SCN2A: variants seen among roughly 807,000 people sequenced by gnomAD.
SCN2A encodes the protein sodium channel protein type 2 subunit alpha.
A neutral mutation model predicts 188.7 loss-of-function variants in SCN2A; 20 were observed. That is an observed-to-expected ratio of 0.11 (90% CI 0.07 to 0.15). The LOEUF (loss-of-function observed/expected upper bound fraction) is 0.15. Ranked by LOEUF, SCN2A falls within the 10% of genes least tolerant of loss-of-function variation. The pLI is 1.00. For missense variants in SCN2A, 1,278 were observed against 2,445.0 expected (o/e 0.52, Z 10.07); for synonymous variants, 804 against 833.1 (o/e 0.97, Z 0.60).
In SCN2A at chr2:165,313,905, C is replaced by A; in HGVS notation, c.1180C>A (p.Leu394Ile). The A allele has an allele frequency of 6.2e-7, 1 of 1,613,804 alleles. No homozygotes were observed. The change falls in exon 10 of 27, where the codon CTA (leucine) becomes ATA (isoleucine). Residue 394 changes from leucine (L) to isoleucine (I), a missense_variant. Leu to Ile is a conservative substitution (Grantham distance 5, BLOSUM62 2). Coordinates refer to ENST00000375437, the MANE Select transcript of SCN2A (RefSeq NM_001040142.2). The part of the protein sequence containing the change: ...DFWENLYQLT[L>I]RAAGKTYMIF... ...AAATCTCTCTTCCATTTTGCAGACACTACGTGCTGCTGGGAAAACGTACAT... is the reference window on the plus strand; with the variant it reads ...AAATCTCTCTTCCATTTTGCAGACAATACGTGCTGCTGGGAAAACGTACAT...
At chr2:165,280,064 A>G (rs7588133) in intron 1 of SCN2A, among the ~76,000 whole-genome samples, 1,797 of 152,296 alleles carry the variant, frequency 0.012, 34 homozygotes, top group African/African-American at 0.041. Flanking sequence ...TAAGTCCACT[A>G]AACCTCTTTC....
chr2:165,322,529 G>A (rs552485596), intron 11 of SCN2A, among the ~76,000 whole-genome samples: 6 of 152,166 alleles, frequency 3.9e-5, no homozygotes, highest in Non-Finnish European at 8.8e-5. Context: ...AGAGACAAAG[G>A]GGTGAAAATT....
rs553026899 is a variant in SCN2A at position 165,307,875 on chromosome 2, G to A, written c.414G>A (p.Thr138=). Residue 138 remains threonine (T), a synonymous_variant, in exon 4 of 27, where the codon ACG becomes ACA. Coordinates refer to ENST00000375437, the MANE Select transcript of SCN2A (RefSeq NM_001040142.2). ...TATTCAATATGCTCATTATGTGCAC[G>A]ATTCTTACCAACTGTGTATTTATGA... ...HSLFNMLIMC[T]ILTNCVFMTM... is the part of the protein sequence containing the mutation. 1.7e-5 allele frequency: 27 copies of A among 1,610,916 alleles called. No individual in the cohort carries two copies. The highest frequency in any genetic ancestry group is 1.5e-4 in the South Asian group (14 of 90,996).
chr2:165,291,517 C>T (rs1304452290), intron 1 of SCN2A, among the ~76,000 whole-genome samples: 2,355 of 56,252 alleles, frequency 0.042, 83 homozygotes, highest in East Asian at 0.072. Flanking sequence ...CTTTCTTCCT[C>T]TCCTTTCTTT....
rs190658450 is a variant in SCN2A, at chr2:165,281,775, G to A, written c.-51-13998G>A. 2.5e-3 allele frequency among the ~76,000 whole-genome samples: 381 copies of A among 152,276 alleles called. 3 individuals carry two copies. Among genetic ancestry groups the A allele is most frequent in the South Asian group, 0.016 (79 of 4,816 alleles). On this transcript the variant is annotated intron_variant, in intron 1 of 26. Coordinates refer to ENST00000375437, the MANE Select transcript of SCN2A (RefSeq NM_001040142.2). Reference sequence around the variant, plus strand: ...AGACATTATTACCAGGGCTGGCTTCGTGGGCAGCCACACAAGGCTCCATGC... The same window carrying A: ...AGACATTATTACCAGGGCTGGCTTCATGGGCAGCCACACAAGGCTCCATGC...
At chr2:165,361,441 A>G (rs971830335) in intron 17 of SCN2A, among the ~76,000 whole-genome samples, 10 of 152,134 alleles carry the variant, frequency 6.6e-5, no homozygotes, top group African/African-American at 2.4e-4. Flanking sequence ...TTGAATCATC[A>G]AAAAGATTCT....
At chr2:165,384,279 G>C (rs1310774530) in intron 25 of SCN2A, among the ~76,000 whole-genome samples, 1 of 152,062 alleles carries the variant, frequency 6.6e-6, no homozygotes, top group African/African-American at 2.4e-5. Flanking sequence ...TGAGAAGTTT[G>C]GAATTATCTT....
intron 1 of SCN2A, among the ~76,000 whole-genome samples, chr2:165,260,970 C>CAAAAA (rs760304392): frequency 0.13 from 11,951 of 89,742 alleles, 985 homozygotes; most frequent in East Asian, 0.31. Flanking sequence ...AACTCCGTCT[C>CAAAAA]AAAAAAAAAA....
chr2:165,261,640 A>T (rs10192208), intron 1 of SCN2A, among the ~76,000 whole-genome samples: 2 of 152,052 alleles, frequency 1.3e-5, no homozygotes, highest in South Asian at 4.1e-4. Context: ...GACGTCCTTC[A>T]TATTGACCTT....
At chr2:165,331,196 C>T in intron 13 of SCN2A, 134 bp from the exon 14 acceptor site, 1 of 737,788 alleles carries the variant, frequency 1.4e-6, no homozygotes. Context: ...TAAAATTTTC[C>T]CTGTTCCTCC....
Position 165,239,618 on chromosome 2 carries a change from A to G in SCN2A, c.-74A>G, listed in dbSNP as rs1693530673. On this transcript the variant is annotated 5_prime_UTR_variant, in exon 1 of 27. Transcript: ENST00000375437. ...ACACATACGTGGATTCTGTGTTATG[A>G]TTTACATTTTTCTTTATTTCAGGTA... 1.0e-6 allele frequency: 1 copy of G among 983,560 alleles called. No individual in the cohort carries two copies. Among genetic ancestry groups the G allele is most frequent in the African/African-American group, 1.7e-5 (1 of 57,172 alleles). The allele number at this position is 983,560 out of a possible 1,614,324, so 60.9% of individuals were successfully genotyped here.
In SCN2A at chr2:165,279,241, C is replaced by T. The variant is rs143757112; in HGVS notation, c.-51-16532C>T. Among the ~76,000 whole-genome samples, 989 of 152,108 alleles carry T rather than the reference C, an allele frequency of 6.5e-3. 13 individuals carry two copies. Among genetic ancestry groups the T allele is most frequent in the African/African-American group, 0.021 (862 of 41,478 alleles). ...GGGAGTTAGCTTCCATCTCAGGAGA[C>T]GAAGAGAGTCTTCTTAGACCAAATG... On this transcript the variant is annotated intron_variant, in intron 1 of 26. Coordinates refer to ENST00000375437, the MANE Select transcript of SCN2A (RefSeq NM_001040142.2).
At position 165,391,088 on chromosome 2, in the gene SCN2A, A is replaced by G. The variant is rs951534441; in HGVS notation, c.*1264A>G. 3.9e-5 allele frequency: 6 copies of G among 152,558 alleles called. No homozygotes were observed. The highest frequency in any genetic ancestry group is 2.9e-5 in the Non-Finnish European group (2 of 68,004). The allele number at this position is 152,558 out of a possible 1,614,324, so 9.5% of individuals were successfully genotyped here. On this transcript the variant is annotated 3_prime_UTR_variant, in exon 27 of 27. Coordinates refer to ENST00000375437, the MANE Select transcript of SCN2A (RefSeq NM_001040142.2). Reference sequence around the variant, plus strand: ...TATAGTTTGAAGCTGTCACTGCTGCATGTTTATCTTGCCTATGCTGCTGTA... The same window carrying G: ...TATAGTTTGAAGCTGTCACTGCTGCGTGTTTATCTTGCCTATGCTGCTGTA...
intron 1 of SCN2A, among the ~76,000 whole-genome samples, chr2:165,295,315 A>C (rs1574523638): frequency 6.6e-6 from 1 of 152,230 alleles, no homozygotes; most frequent in African/African-American, 2.4e-5. Flanking sequence ...GCACGTGCAA[A>C]GACTTGGAGA....
rs2105245029 is a variant in SCN2A, at chr2:165,309,412, C to T, written c.666C>T (p.Leu222=). 6.2e-7 allele frequency: 1 copy of T among 1,613,640 alleles called. No individual in the cohort carries two copies. Among genetic ancestry groups the T allele is most frequent in the Non-Finnish European group, 8.5e-7 (1 of 1,179,706 alleles). Residue 222 remains leucine, a synonymous_variant, in exon 6 of 27, where the codon CTC becomes CTT. Transcript: ENST00000375437. ...NVSALRTFRV[L]RALKTISVIP... is the part of the protein sequence containing the mutation. Reference sequence around the variant, plus strand: ...CAGCGTTGAGAACATTCAGAGTTCTCCGAGCATTGAAAACAATTTCAGTCA... The same window carrying T: ...CAGCGTTGAGAACATTCAGAGTTCTTCGAGCATTGAAAACAATTTCAGTCA...
chr2:165,375,424 C>T (rs535220317), intron 22 of SCN2A, among the ~76,000 whole-genome samples: 46 of 151,324 alleles, frequency 3.0e-4, no homozygotes, highest in East Asian at 2.1e-3. Flanking sequence ...TATACACACA[C>T]GTATTTCTAT....
chr2:165,289,772 T>G (rs955562918), intron 1 of SCN2A, among the ~76,000 whole-genome samples: 1 of 152,196 alleles, frequency 6.6e-6, no homozygotes, highest in Non-Finnish European at 1.5e-5. Flanking sequence ...CGATGTTTTA[T>G]ATGTTTTGGT....
At chr2:165,372,813 A>G (rs1208588296) in intron 20 of SCN2A, 2 of 191,006 alleles carry the variant, frequency 1.0e-5, no homozygotes, top group Non-Finnish European at 2.2e-5. Context: ...ATCAAATGTT[A>G]CTTTCCATTT....
chr2:165,245,825 A>G (rs1693819547), intron 1 of SCN2A, among the ~76,000 whole-genome samples: 1 of 152,218 alleles, frequency 6.6e-6, no homozygotes, highest in African/African-American at 2.4e-5. Context: ...AGTCTATTCA[A>G]TTAAATTGTT....
Sources: gnomAD v4.1 joint callset for allele counts (sites outside exome capture counted in the v4.1 genomes callset) on GRCh38, gnomAD v4.1.1 for gene constraint, MANE v1.5 for transcripts, NCBI Gene and HGNC (gene_info 2026-07-23, HGNC 2026-07-21) for gene names.